Variants in CACNA1D observed in about 807,000 individuals in gnomAD.
CACNA1D encodes the protein voltage-dependent L-type calcium channel subunit alpha-1D.
Under a neutral mutation model 257.1 loss-of-function variants are expected in CACNA1D, and 55 were observed. That is an observed-to-expected ratio of 0.21 (90% CI 0.17 to 0.27). CACNA1D has a LOEUF of 0.27. Ranked by LOEUF, CACNA1D falls within the 10% of genes least tolerant of loss-of-function variation. The pLI is 1.00. For synonymous variants in CACNA1D, 980 were observed against 1,014.9 expected (o/e 0.97, Z 0.65); for missense variants, 1,876 against 2,784.0 (o/e 0.67, Z 7.34).
intron 30 of CACNA1D, among the ~76,000 whole-genome samples, chr3:53,769,484 C>G (rs920348520): frequency 2.6e-5 from 4 of 152,214 alleles, no homozygotes; most frequent in Admixed American, 2.0e-4. Context: ...CATACACCAC[C>G]CAGGCGTTTA....
chr3:53,680,020 G>C (rs1295326390), intron 8 of CACNA1D, among the ~76,000 whole-genome samples: 1 of 152,204 alleles, frequency 6.6e-6, no homozygotes, highest in African/African-American at 2.4e-5. Flanking sequence ...TCTTGTTGCA[G>C]AGTTAACAGC....
intron 27 of CACNA1D, among the ~76,000 whole-genome samples, chr3:53,750,597 A>G (rs2095216527): frequency 6.6e-6 from 1 of 152,116 alleles, no homozygotes; most frequent in Non-Finnish European, 1.5e-5. Context: ...TCCACCAGTG[A>G]TTGTCAGGGA....
chr3:53,775,754 C>A, intron 34 of CACNA1D, 132 bp from the exon 35 acceptor site: 1 of 888,800 alleles, frequency 1.1e-6, no homozygotes, highest in Non-Finnish European at 1.9e-6. Context: ...TTTCACATTT[C>A]CATTAATTCA....
At chr3:53,547,921 A>G (rs143743161) in intron 3 of CACNA1D, among the ~76,000 whole-genome samples, 15 of 152,318 alleles carry the variant, frequency 9.8e-5, no homozygotes, top group African/African-American at 1.9e-4. Context: ...AATGCCGACT[A>G]CTTCCTTGGA....
At chr3:53,663,588 C>T (rs1052300144) in intron 5 of CACNA1D, among the ~76,000 whole-genome samples, 1 of 152,098 alleles carries the variant, frequency 6.6e-6, no homozygotes, top group Non-Finnish European at 1.5e-5. Flanking sequence ...TGTCCCTTGG[C>T]GGGTAGCCTT....
intron 8 of CACNA1D, among the ~76,000 whole-genome samples, chr3:53,691,863 T>A (rs1410903877): frequency 9.2e-6 from 1 of 109,182 alleles, no homozygotes; most frequent in Admixed American, 1.4e-4. Flanking sequence ...ATAATATATA[T>A]TATATATATT....
chr3:53,774,760 A>G lies in CACNA1D; in HGVS notation c.4202+82A>G. 1.2e-6 allele frequency: 1 copy of G among 804,186 alleles called. No homozygotes were observed. The highest frequency in any genetic ancestry group is 2.2e-6 in the Non-Finnish European group (1 of 451,800). The allele number at this position is 804,186 out of a possible 1,614,324, so 49.8% of individuals were successfully genotyped here. A position where few individuals can be genotyped will look rare whatever the true frequency, so the allele number is the denominator to read the frequency against. ...TCCAGAGGGACGGAGGACACAGGTT[A>G]TTAAAGCAGTGTGCCTTTCTCAGTT... On this transcript the variant is annotated intron_variant, in intron 34 of 47. Transcript: ENST00000350061. This position sits in a 1 kb window ranked among gnomAD's most constrained non-coding sequence, Gnocchi z 4.3.
chr3:53,743,488 G>C (rs2095136798), intron 22 of CACNA1D, among the ~76,000 whole-genome samples: 1 of 152,286 alleles, frequency 6.6e-6, no homozygotes, highest in Non-Finnish European at 1.5e-5. Flanking sequence ...ATATAGGAGG[G>C]GCTGGGACCA....
intron 28 of CACNA1D, among the ~76,000 whole-genome samples, chr3:53,752,941 G>C (rs572205602): frequency 6.6e-6 from 1 of 152,294 alleles, no homozygotes; most frequent in East Asian, 1.9e-4. Context: ...GTTTTCAAAA[G>C]TTACATTGCC....
At chr3:53,765,392 A>G (rs946101410) in intron 30 of CACNA1D, 1 of 152,640 alleles carries the variant, frequency 6.6e-6, no homozygotes, top group African/African-American at 2.4e-5. Context: ...CTCTTCCCCA[A>G]ACTCTGTTGA....
chr3:53,686,264 T>C (rs2094472666), intron 8 of CACNA1D, among the ~76,000 whole-genome samples: 1 of 151,960 alleles, frequency 6.6e-6, no homozygotes, highest in Non-Finnish European at 1.5e-5. Context: ...CTAGATGAGG[T>C]CAAAAGTGAA....
intron 4 of CACNA1D, among the ~76,000 whole-genome samples, chr3:53,656,441 T>C (rs1321756873): frequency 1.3e-5 from 2 of 152,228 alleles, no homozygotes; most frequent in South Asian, 2.1e-4. Context: ...GTTTGTGTCA[T>C]GTCTGATTTC....
chr3:53,805,729 T>C (rs2095559288), intron 45 of CACNA1D, among the ~76,000 whole-genome samples: 1 of 133,660 alleles, frequency 7.5e-6, no homozygotes, highest in African/African-American at 2.9e-5. Context: ...CTCCTCCATC[T>C]TCCCTCCTCC....
chr3:53,761,601 TG>T, intron 29 of CACNA1D, among the ~76,000 whole-genome samples: 1 of 152,090 alleles, frequency 6.6e-6, no homozygotes, highest in Non-Finnish European at 1.5e-5. Flanking sequence ...GCTCTTTAAG[TG>T]GGGTGAATGG....
chr3:53,585,829 A>G (rs2093205894), intron 3 of CACNA1D, among the ~76,000 whole-genome samples: 1 of 152,176 alleles, frequency 6.6e-6, no homozygotes, highest in Non-Finnish European at 1.5e-5. Flanking sequence ...TAAGGGAGGC[A>G]GTGCCTGCAG....
At chr3:53,627,791 T>C (rs1372730263) in intron 3 of CACNA1D, among the ~76,000 whole-genome samples, 1 of 152,008 alleles carries the variant, frequency 6.6e-6, no homozygotes, top group Non-Finnish European at 1.5e-5. Flanking sequence ...GGTGGGCAGA[T>C]CACCTGAGGT....
At chr3:53,634,063 G>A (rs535800380) in intron 3 of CACNA1D, among the ~76,000 whole-genome samples, 1 of 152,308 alleles carries the variant, frequency 6.6e-6, no homozygotes, top group East Asian at 1.9e-4. Flanking sequence ...GATGTCTCAA[G>A]GTGATATGAG....
intron 1 of CACNA1D, among the ~76,000 whole-genome samples, chr3:53,496,476 A>C (rs2090353591): frequency 1.3e-5 from 2 of 152,230 alleles, no homozygotes; most frequent in Admixed American, 1.3e-4. Context: ...AAATGCAAAA[A>C]AGCCCTAAAG....
chr3:53,758,315 C>T (rs1156748294), intron 29 of CACNA1D, among the ~76,000 whole-genome samples: 2 of 152,190 alleles, frequency 1.3e-5, no homozygotes, highest in African/African-American at 2.4e-5. Flanking sequence ...AGAGATCTGG[C>T]TGCCATGATC....
Sources: gnomAD v4.1 joint callset for allele counts (sites outside exome capture counted in the v4.1 genomes callset) on GRCh38, gnomAD v4.1.1 for gene constraint, Gnocchi (gnomAD v3.1) non-coding constraint, MANE v1.5 for transcripts, NCBI Gene and HGNC (gene_info 2026-07-23, HGNC 2026-07-21) for gene names.